Variants in CDH22 observed in about 807,000 individuals in gnomAD.
CDH22 encodes cadherin-22.
Under a neutral mutation model 58.4 loss-of-function variants are expected in CDH22, and 30 were observed. That is an observed-to-expected ratio of 0.51 (90% CI 0.38 to 0.70). The LOEUF is 0.70. Ranked by LOEUF, CDH22 falls within the 30% of genes least tolerant of loss-of-function variation. The probability of loss-of-function intolerance (pLI) is 0.00; values close to 1 mark genes in which losing one functional copy is unlikely to be tolerated. For missense variants in CDH22, 1,014 were observed against 1,233.9 expected, an observed-to-expected ratio of 0.82 and a Z score of 2.67; for synonymous variants, 513 against 558.2, an observed-to-expected ratio of 0.92 and a Z score of 1.14.
intron 4 of CDH22, among the ~76,000 whole-genome samples, chr20:46,223,364 C>A (rs2086140008): frequency 6.6e-6 from 1 of 152,168 alleles, no homozygotes; most frequent in South Asian, 2.1e-4. Context: ...TTTCTATGTT[C>A]TTTCTTCTCC....
At chr20:46,307,881 C>T (rs2059030920) in intron 1 of CDH22, among the ~76,000 whole-genome samples, 1 of 152,000 alleles carries the variant, frequency 6.6e-6, no homozygotes, top group Non-Finnish European at 1.5e-5. Context: ...GCGCCACCTT[C>T]CCAGCCCCTT....
At chr20:46,177,120 A>G (rs1003290168) in intron 11 of CDH22, among the ~76,000 whole-genome samples, 9 of 152,128 alleles carry the variant, frequency 5.9e-5, no homozygotes, top group Admixed American at 5.9e-4. Context: ...GCAGGTCCTC[A>G]GAGGGTGGAC....
intron 1 of CDH22, among the ~76,000 whole-genome samples, chr20:46,262,750 G>A (rs1449660831): frequency 6.6e-6 from 1 of 152,168 alleles, no homozygotes; most frequent in Non-Finnish European, 1.5e-5. Context: ...TCCAAAGCCT[G>A]CACCTTTAGC....
rs568183589 is a variant in CDH22 at position 46,205,801 on chromosome 20, C to G, written c.1286+4506G>C. On this transcript the variant is annotated intron_variant, in intron 7 of 11. Coordinates refer to ENST00000537909, the MANE Select transcript of CDH22 (RefSeq NM_021248.3). ...TTCGCAGCCTGTCTCCAAGTGCTCC[C>G]TTGTCCCTTGTCGTGAGCTTGTCCA... Among the ~76,000 whole-genome samples, 7 of 152,282 alleles carry G rather than the reference C, an allele frequency of 4.6e-5. No individual in the cohort carries two copies. In the South Asian group the frequency reaches 1.2e-3, roughly 27 times the overall value.
At chr20:46,186,560 T>C in intron 10 of CDH22, 28 bp downstream of exon 10, 1 of 1,510,334 alleles carries the variant, frequency 6.6e-7, no homozygotes, top group South Asian at 1.1e-5. Flanking sequence ...GCCCCTCCCT[T>C]CTTGCATCCT....
At chr20:46,208,164 G>A (rs1371552979) in intron 7 of CDH22, among the ~76,000 whole-genome samples, 1 of 152,120 alleles carries the variant, frequency 6.6e-6, no homozygotes, top group Non-Finnish European at 1.5e-5. Flanking sequence ...AATGAATCAG[G>A]GAGCCCCAGT....
At chr20:46,277,156 A>AAGG (rs1362297442) in intron 1 of CDH22, among the ~76,000 whole-genome samples, 1 of 152,152 alleles carries the variant, frequency 6.6e-6, no homozygotes, top group Non-Finnish European at 1.5e-5. Flanking sequence ...AAAAAAAAAA[A>AAGG]AAGGAAAGGC....
chr20:46,265,637 C>G (rs932365752), intron 1 of CDH22, among the ~76,000 whole-genome samples: 2 of 152,156 alleles, frequency 1.3e-5, no homozygotes, highest in Non-Finnish European at 2.9e-5. Flanking sequence ...GTATATCATA[C>G]TGAATGGTCT....
At chr20:46,256,865 G>A (rs905611994) in intron 1 of CDH22, among the ~76,000 whole-genome samples, 5 of 152,070 alleles carry the variant, frequency 3.3e-5, no homozygotes, top group African/African-American at 1.2e-4. Context: ...AATTAGCCAG[G>A]AATGGTGGCA....
intron 2 of CDH22, among the ~76,000 whole-genome samples, chr20:46,250,198 AAGT>A (rs2086360049): frequency 6.9e-6 from 1 of 145,394 alleles, no homozygotes; most frequent in African/African-American, 2.4e-5. Flanking sequence ...GAGTTTGAGA[AAGT>A]AGTTTCATTC....
In CDH22 at chr20:46,300,243, A is replaced by G. The variant is rs1349967424; in HGVS notation, c.-400+8012T>C. Among the ~76,000 whole-genome samples, 1 of 152,130 alleles carries G rather than the reference A, an allele frequency of 6.6e-6. No homozygotes were observed. The highest frequency in any genetic ancestry group is 1.5e-5 in the Non-Finnish European group (1 of 68,028). ...GCCTGGGGGGTGGGCTGCCTCTCCCAGGAACTCTCTGTTGTCCCTGAATAC... is the reference window on the plus strand; with the variant it reads ...GCCTGGGGGGTGGGCTGCCTCTCCCGGGAACTCTCTGTTGTCCCTGAATAC... On this transcript the variant is annotated intron_variant, in intron 1 of 11. Transcript: ENST00000537909. This position sits in a 1 kb window ranked among gnomAD's most constrained non-coding sequence, Gnocchi z 4.4.
chr20:46,233,443 C>T (rs780922825), intron 3 of CDH22, among the ~76,000 whole-genome samples: 13 of 152,206 alleles, frequency 8.5e-5, no homozygotes, highest in Admixed American at 2.6e-4. Flanking sequence ...TTGTTTGTTT[C>T]GGACTGCAAC....
At chr20:46,272,919 T>C (rs553917371) in intron 1 of CDH22, among the ~76,000 whole-genome samples, 1 of 152,326 alleles carries the variant, frequency 6.6e-6, no homozygotes, top group South Asian at 2.1e-4. Flanking sequence ...AGGATAAAGG[T>C]ATTTTTTTCT....
intron 8 of CDH22, among the ~76,000 whole-genome samples, chr20:46,193,413 C>T (rs1451345152): frequency 6.6e-6 from 1 of 152,128 alleles, no homozygotes; most frequent in Non-Finnish European, 1.5e-5. Context: ...TGCCCTGGAC[C>T]CTCCAGCCCA....
In CDH22 at chr20:46,174,701, C is replaced by G; in HGVS notation, c.2292G>C (p.Val764=). 1 of 1,558,026 alleles carries G rather than the reference C, an allele frequency of 6.4e-7. No individual in the cohort carries two copies. Among genetic ancestry groups the G allele is most frequent in the Non-Finnish European group, 8.6e-7 (1 of 1,159,612 alleles). Residue 764 remains valine (V), a synonymous_variant, in exon 12 of 12, where the codon GTG becomes GTC. Transcript: ENST00000537909. This position sits in a 1 kb window ranked among gnomAD's most constrained non-coding sequence, Gnocchi z 4.4. ...KVALADGDLS[V]PPYDAFQTYA... ...AGGTCTGGAAGGCGTCGTAGGGCGG[C>G]ACCGACAGGTCCCCGTCCGCCAGTG...
chr20:46,298,609 G>T (rs979953426), intron 1 of CDH22, among the ~76,000 whole-genome samples: 3 of 152,102 alleles, frequency 2.0e-5, no homozygotes, highest in African/African-American at 7.2e-5. Context: ...GGAGGATGAT[G>T]GATTGGATAA....
chr20:46,211,748 C>A (rs2086044821), intron 6 of CDH22, among the ~76,000 whole-genome samples: 1 of 152,104 alleles, frequency 6.6e-6, no homozygotes, highest in Admixed American at 6.6e-5. Flanking sequence ...ATGGGCTCAT[C>A]TAACAGTTAA....
intron 1 of CDH22, among the ~76,000 whole-genome samples, chr20:46,277,850 A>G (rs2086527578): frequency 1.3e-5 from 2 of 151,920 alleles, no homozygotes; most frequent in Admixed American, 1.3e-4. Context: ...AAGCGAAGAC[A>G]ACTTGATAAG....
intron 1 of CDH22, among the ~76,000 whole-genome samples, chr20:46,264,869 TGC>T (rs200032418): frequency 2.0e-5 from 3 of 147,274 alleles, no homozygotes; most frequent in Non-Finnish European, 4.6e-5. Context: ...ACACACACCG[TGC>T]GCACACACAC....
Sources: gnomAD v4.1 joint callset for allele counts (sites outside exome capture counted in the v4.1 genomes callset) on GRCh38, gnomAD v4.1.1 for gene constraint, Gnocchi (gnomAD v3.1) non-coding constraint, MANE v1.5 for transcripts, NCBI Gene and HGNC (gene_info 2026-07-23, HGNC 2026-07-21) for gene names.